The following SEMA6D variants were observed in gnomAD, a reference collection of about 807,000 sequenced individuals.
The protein encoded by SEMA6D is semaphorin-6D.
In SEMA6D, 35 loss-of-function variants were observed where a neutral mutation model predicts 106.6. The observed-to-expected ratio is 0.33, with a 90% CI of 0.25 to 0.44. The LOEUF (loss-of-function observed/expected upper bound fraction) is 0.44. SEMA6D is among the 20% of genes least tolerant of loss of function. The pLI is 1.00. For missense variants in SEMA6D, 1,185 were observed against 1,345.9 expected (o/e 0.88, Z 1.87); for synonymous variants, 499 against 487.7 (o/e 1.02, Z -0.31).
intron 1 of SEMA6D, among the ~76,000 whole-genome samples, chr15:47,268,175 A>C (rs1348999900): frequency 6.6e-6 from 1 of 152,172 alleles, no homozygotes; most frequent in South Asian, 2.1e-4. Flanking sequence ...TTGAAATAAC[A>C]TAAGGGAGTT....
At chr15:47,314,082 C>T (rs904715704) in intron 1 of SEMA6D, among the ~76,000 whole-genome samples, 1 of 152,104 alleles carries the variant, frequency 6.6e-6, no homozygotes, top group Non-Finnish European at 1.5e-5. Context: ...TTCTGCTGCT[C>T]CATATGCTTT....
chr15:47,632,748 G>A (rs1230016129), intron 4 of SEMA6D, among the ~76,000 whole-genome samples: 1 of 151,648 alleles, frequency 6.6e-6, no homozygotes, highest in Non-Finnish European at 1.5e-5. Context: ...CTTCTGATTG[G>A]CATAGTTAGG....
intron 1 of SEMA6D, among the ~76,000 whole-genome samples, chr15:47,232,454 T>C (rs1466298503): frequency 1.3e-5 from 2 of 151,792 alleles, no homozygotes; most frequent in African/African-American, 4.8e-5. Context: ...GCAGTTAACA[T>C]TCCCATCAGC....
At chr15:47,557,442 T>C (rs1269270001) in intron 3 of SEMA6D, among the ~76,000 whole-genome samples, 1 of 152,146 alleles carries the variant, frequency 6.6e-6, no homozygotes, top group East Asian at 1.9e-4. Flanking sequence ...AATGCATAGA[T>C]AAGCTTTTTT....
intron 1 of SEMA6D, among the ~76,000 whole-genome samples, chr15:47,285,294 T>C (rs1186669459): frequency 6.6e-6 from 1 of 152,070 alleles, no homozygotes; most frequent in Non-Finnish European, 1.5e-5. Context: ...TTCTAGTGGC[T>C]GATTCAGAGT....
chr15:47,682,843 A>T (rs1323286393), intron 4 of SEMA6D, among the ~76,000 whole-genome samples: 2 of 152,222 alleles, frequency 1.3e-5, no homozygotes, highest in Non-Finnish European at 2.9e-5. Flanking sequence ...CCACTGGTAG[A>T]GATGAAGATA....
chr15:47,519,040 C>T (rs886714669), intron 3 of SEMA6D, among the ~76,000 whole-genome samples: 1 of 152,016 alleles, frequency 6.6e-6, no homozygotes, highest in Non-Finnish European at 1.5e-5. Flanking sequence ...GCCTGGCCAA[C>T]ATGGTGAAAC....
rs148285456 is a variant in SEMA6D at position 47,747,899 on chromosome 15, A to G, written c.-54-11846A>G. The stretch of plus-strand genomic sequence containing the variant: ...TTAGGCAAGCTGATTTTCATTTTAT[A>G]TTTGTTAGGTAGTGAAGAGTCACAT... On this transcript the variant is annotated intron_variant, in intron 1 of 18. Coordinates refer to ENST00000536845, the MANE Select transcript of SEMA6D (RefSeq NM_001358351.3). Among the ~76,000 whole-genome samples, 689 of 152,324 alleles carry G rather than the reference A, an allele frequency of 4.5e-3. 11 individuals are homozygous for G. Among genetic ancestry groups the G allele is most frequent in the African/African-American group, 0.015 (644 of 41,580 alleles).
chr15:47,204,877 T>A (rs1430075321), intron 1 of SEMA6D, among the ~76,000 whole-genome samples: 1 of 152,120 alleles, frequency 6.6e-6, no homozygotes. Flanking sequence ...TATGGGCCTA[T>A]GTAGAATTTT....
chr15:47,186,278 G>A (rs1470635095), intron 1 of SEMA6D, among the ~76,000 whole-genome samples: 2 of 152,186 alleles, frequency 1.3e-5, no homozygotes, highest in East Asian at 1.9e-4. Flanking sequence ...TCTCTATGAC[G>A]GCAGTCTGAT....
At position 47,761,373 on chromosome 15, in the gene SEMA6D, A is replaced by G; in HGVS notation, c.389A>G (p.Asp130Gly). The G allele has an allele frequency of 6.2e-7, 1 of 1,613,494 alleles. No homozygotes were observed. The highest frequency in any genetic ancestry group is 8.5e-7 in the Non-Finnish European group (1 of 1,179,700). Residue 130 changes from aspartate to glycine, a missense_variant, in exon 6 of 19, where the codon GAT becomes GGT. By Grantham distance (94) the Asp-to-Gly change is moderately conservative. Coordinates refer to ENST00000536845, the MANE Select transcript of SEMA6D (RefSeq NM_001358351.3). ...ATCAAAGTATTTGTTCCAAGAAACGATGAGATGGTTTTTGTTTGTGGTACC... is the reference window on the plus strand; with the variant it reads ...ATCAAAGTATTTGTTCCAAGAAACGGTGAGATGGTTTTTGTTTGTGGTACC... ...NFIKVFVPRN[D>G]EMVFVCGTNA...
At chr15:47,424,551 C>T (rs943365821) in intron 2 of SEMA6D, among the ~76,000 whole-genome samples, 1 of 152,048 alleles carries the variant, frequency 6.6e-6, no homozygotes, top group African/African-American at 2.4e-5. Flanking sequence ...TGTCTCTATC[C>T]TAGAGTTATT....
chr15:47,587,566 C>T (rs541597725), intron 3 of SEMA6D, among the ~76,000 whole-genome samples: 2 of 152,196 alleles, frequency 1.3e-5, no homozygotes, highest in Admixed American at 6.5e-5. Context: ...TTCAGTGATC[C>T]GAAGCCAGGG....
chr15:47,254,478 G>A (rs1467651095), intron 1 of SEMA6D, among the ~76,000 whole-genome samples: 1 of 151,696 alleles, frequency 6.6e-6, no homozygotes, highest in Non-Finnish European at 1.5e-5. Flanking sequence ...GAATGAAAGT[G>A]GTAAGAATGG....
rs145652546 is a variant in SEMA6D at position 47,765,966 on chromosome 15, C to T, written c.1525C>T (p.Arg509Cys). Residue 509 changes from arginine (R) to cysteine (C), a missense_variant, in exon 14 of 19, where the codon CGC (arginine) becomes TGC (cysteine). Transcript: ENST00000536845. ...TGTGGCGTTCTCTAGCTGCATTATC[C>T]GCATCCCCCTCAGTCGCTGTGAGCG... is the stretch of plus-strand genomic sequence containing the variant. ...LYVAFSSCII[R>C]IPLSRCERYG... The T allele has an allele frequency of 2.0e-5, 32 of 1,592,734 alleles. No individual in the cohort carries two copies. The highest frequency in any genetic ancestry group is 6.7e-5 in the East Asian group (3 of 44,712).
chr15:47,421,600 A>AT (rs1457385050), intron 2 of SEMA6D, among the ~76,000 whole-genome samples: 2 of 151,848 alleles, frequency 1.3e-5, no homozygotes, highest in Non-Finnish European at 2.9e-5. Context: ...CTGCTTAAGG[A>AT]TTTTTTTGCC....
At chr15:47,206,888 A>G (rs1180012330) in intron 1 of SEMA6D, among the ~76,000 whole-genome samples, 17 of 152,160 alleles carry the variant, frequency 1.1e-4, no homozygotes, top group Non-Finnish European at 2.5e-4. Context: ...CAACAAAAGC[A>G]AATTAGTGTT....
chr15:47,449,526 A>G (rs2042125625), intron 2 of SEMA6D, among the ~76,000 whole-genome samples: 1 of 152,054 alleles, frequency 6.6e-6, no homozygotes, highest in Non-Finnish European at 1.5e-5. Flanking sequence ...AACCTGGATG[A>G]CCCAGTTCAT....
chr15:47,679,316 T>C (rs2078304078), intron 4 of SEMA6D, among the ~76,000 whole-genome samples: 1 of 152,206 alleles, frequency 6.6e-6, no homozygotes, highest in African/African-American at 2.4e-5. Context: ...GGCAATTGCC[T>C]TATGTATAAA....
Sources: gnomAD v4.1 joint callset for allele counts (sites outside exome capture counted in the v4.1 genomes callset) on GRCh38, gnomAD v4.1.1 for gene constraint, MANE v1.5 for transcripts, NCBI Gene and HGNC (gene_info 2026-07-23, HGNC 2026-07-21) for gene names.